Variants in CSMD3 observed in about 807,000 individuals in gnomAD.
The protein encoded by CSMD3 is CUB and Sushi multiple domains 3, also known as CUB and sushi domain-containing protein 3.
A neutral mutation model predicts 435.2 loss-of-function variants in CSMD3; 177 were observed. The observed-to-expected ratio is 0.41, with a 90% confidence interval of 0.36 to 0.46. CSMD3 has a LOEUF of 0.46. CSMD3 is among the 20% of genes least tolerant of loss of function. The pLI, the probability that CSMD3 is intolerant of heterozygous loss-of-function variation, is 0.34. For synonymous variants in CSMD3, 1,656 were observed against 1,520.5 expected, an observed-to-expected ratio of 1.09 and a Z score of -2.07; for missense variants, 4,265 against 4,504.6, an observed-to-expected ratio of 0.95 and a Z score of 1.52.
At chr8:112,792,435 A>T (rs964703405) in intron 13 of CSMD3, among the ~76,000 whole-genome samples, 10 of 152,228 alleles carry the variant, frequency 6.6e-5, no homozygotes, top group African/African-American at 2.4e-4. Flanking sequence ...ATATAAGGGC[A>T]CTAATCTCAT....
intron 30 of CSMD3, among the ~76,000 whole-genome samples, chr8:112,499,251 G>A (rs1448223542): frequency 6.6e-6 from 1 of 151,794 alleles, no homozygotes; most frequent in African/African-American, 2.4e-5. Flanking sequence ...CTAAATCCAA[G>A]GTATCAAAAA....
chr8:112,386,753 C>T (rs537790151), intron 36 of CSMD3, among the ~76,000 whole-genome samples: 197 of 151,892 alleles, frequency 1.3e-3, no homozygotes, highest in Non-Finnish European at 2.3e-3. Context: ...CGCCTCGGCC[C>T]CCCAAAGTGC....
At chr8:112,978,217 T>C (rs147884096) in intron 6 of CSMD3, among the ~76,000 whole-genome samples, 1 of 152,176 alleles carries the variant, frequency 6.6e-6, no homozygotes, top group Admixed American at 6.6e-5. Context: ...GCTAAATTTA[T>C]GAGAAATAAT....
intron 58 of CSMD3, among the ~76,000 whole-genome samples, chr8:112,285,074 A>T (rs1819044885): frequency 1.3e-5 from 2 of 151,994 alleles, no homozygotes; most frequent in Admixed American, 1.3e-4. Flanking sequence ...TGTGTAAGTG[A>T]TTGGTATCAG....
At chr8:112,933,606 G>A (rs918474727) in intron 9 of CSMD3, among the ~76,000 whole-genome samples, 1 of 152,034 alleles carries the variant, frequency 6.6e-6, no homozygotes, top group African/African-American at 2.4e-5. Context: ...TCTATATAAC[G>A]ATTTCTGAAT....
intron 12 of CSMD3, among the ~76,000 whole-genome samples, chr8:112,823,919 G>A (rs2079600576): frequency 6.6e-6 from 1 of 151,996 alleles, no homozygotes; most frequent in African/African-American, 2.4e-5. Flanking sequence ...TTGACAGTGG[G>A]GTGTTAAAGT....
intron 3 of CSMD3, among the ~76,000 whole-genome samples, chr8:113,260,344 G>C (rs1462984821): frequency 2.0e-5 from 3 of 152,090 alleles, no homozygotes; most frequent in African/African-American, 7.2e-5. Context: ...AACACGTTTT[G>C]TTCAGTTATT....
intron 5 of CSMD3, among the ~76,000 whole-genome samples, chr8:113,092,660 T>C (rs1361185683): frequency 6.6e-6 from 1 of 152,108 alleles, no homozygotes; most frequent in African/African-American, 2.4e-5. Flanking sequence ...CTTGTTCTTC[T>C]TCCTACCGTT....
chr8:113,046,345 C>CA lies in CSMD3; in HGVS notation c.918-27167dup, dbSNP rs1212698957. On this transcript the variant is annotated intron_variant, in intron 5 of 70. Coordinates refer to ENST00000297405, the MANE Select transcript of CSMD3 (RefSeq NM_198123.2). The stretch of plus-strand genomic sequence containing the variant: ...AACAAACAACAACAACAAAACAAAA[C>CA]AAAAAAAGCCTTATTTGAACAAACA... Among the ~76,000 whole-genome samples the CA allele has an allele frequency of 6.0e-5, 9 of 149,194 alleles. 1 individual carries two copies. The highest frequency in any genetic ancestry group is 3.9e-4 in the East Asian group (2 of 5,176).
chr8:112,807,512 GT>G (rs1563980457), intron 12 of CSMD3, among the ~76,000 whole-genome samples: 2 of 148,448 alleles, frequency 1.3e-5, no homozygotes, highest in East Asian at 3.9e-4. Context: ...AGGTAGGTAG[GT>G]AGGTAGGTAG....
chr8:113,366,759 T>G (rs1449141507), intron 1 of CSMD3, among the ~76,000 whole-genome samples: 1 of 152,048 alleles, frequency 6.6e-6, no homozygotes, highest in Non-Finnish European at 1.5e-5. Flanking sequence ...AGCTGGAAAA[T>G]TTTTATAAAC....
chr8:112,730,358 C>A (rs2077049502), intron 13 of CSMD3, among the ~76,000 whole-genome samples: 1 of 152,018 alleles, frequency 6.6e-6, no homozygotes, highest in Admixed American at 6.6e-5. Flanking sequence ...AATAGAATTA[C>A]TGATGATGAT....
chr8:112,719,319 C>G (rs1224979489), intron 13 of CSMD3, among the ~76,000 whole-genome samples: 2 of 152,016 alleles, frequency 1.3e-5, no homozygotes, highest in African/African-American at 4.8e-5. Flanking sequence ...ATATGCCCCC[C>G]AAAAAGGCAA....
intron 9 of CSMD3, among the ~76,000 whole-genome samples, chr8:112,927,642 A>T (rs2082952029): frequency 6.6e-6 from 1 of 152,114 alleles, no homozygotes; most frequent in Non-Finnish European, 1.5e-5. Context: ...AGTTACATTG[A>T]TAAGCTTTGT....
chr8:113,038,736 C>G (rs1416209095), intron 5 of CSMD3, among the ~76,000 whole-genome samples: 1 of 152,100 alleles, frequency 6.6e-6, no homozygotes, highest in East Asian at 1.9e-4. Context: ...ACAGGAAAAA[C>G]AACTTAGGGA....
At chr8:112,536,885 T>C (rs1358129107) in intron 27 of CSMD3, among the ~76,000 whole-genome samples, 1 of 151,862 alleles carries the variant, frequency 6.6e-6, no homozygotes, top group Non-Finnish European at 1.5e-5. Context: ...TGGATGAAAT[T>C]GGAAATCATC....
intron 10 of CSMD3, among the ~76,000 whole-genome samples, chr8:112,872,603 G>C (rs949519762): frequency 2.0e-5 from 3 of 151,704 alleles, no homozygotes; most frequent in Non-Finnish European, 4.4e-5. Context: ...ATTTATCTTA[G>C]CCACGAAAGT....
At chr8:112,352,360 T>C in intron 39 of CSMD3, 56 bp downstream of exon 39, 1 of 1,608,438 alleles carries the variant, frequency 6.2e-7, no homozygotes, top group Non-Finnish European at 8.5e-7. Flanking sequence ...CATTGATTTG[T>C]AAAATATTCT....
chr8:113,347,160 A>G (rs573765215), intron 1 of CSMD3, among the ~76,000 whole-genome samples: 1 of 151,710 alleles, frequency 6.6e-6, no homozygotes, highest in Non-Finnish European at 1.5e-5. Flanking sequence ...AGCTGGAAAG[A>G]GCAGAGAAAA....
Sources: allele counts gnomAD v4.1 joint callset (sites outside exome capture counted in the v4.1 genomes callset), GRCh38; gene constraint gnomAD v4.1.1; transcripts MANE v1.5; gene names NCBI Gene and HGNC (gene_info 2026-07-23, HGNC 2026-07-21).